The following IL1RAPL1 variants were observed in gnomAD, a reference collection of about 807,000 sequenced individuals.
IL1RAPL1 encodes the protein interleukin-1 receptor accessory protein-like 1.
In IL1RAPL1, 3 loss-of-function variants were observed where a neutral mutation model predicts 48.4. That is an observed-to-expected ratio of 0.06 (90% CI 0.03 to 0.16). The LOEUF is 0.16. IL1RAPL1 is among the 10% of genes least tolerant of loss of function. The pLI is 1.00. For missense variants in IL1RAPL1, 349 were observed against 530.6 expected (o/e 0.66, Z 3.36); for synonymous variants, 185 against 187.7 (o/e 0.99, Z 0.12).
intron 5 of IL1RAPL1, among the ~76,000 whole-genome samples, chrX:29,442,343 A>C (rs2147719839): frequency 9.2e-6 from 1 of 108,709 alleles, no homozygotes; most frequent in East Asian, 3.0e-4. Context: ...GTGCTGGGAT[A>C]ATTGGGGGAA....
rs768432949 is a variant in IL1RAPL1, at chrX:29,109,146, AAAAG to A, written c.83-173791_83-173788del. On this transcript the variant is annotated intron_variant, in intron 2 of 10. Transcript: ENST00000378993. ...AGTTCACAAAAGAACATATTCAAAA[AAAAG>A]CAAATAATTGTATTTTGAGTGTATC... is the stretch of plus-strand genomic sequence containing the variant. 3.6e-5 allele frequency among the ~76,000 whole-genome samples: 4 copies of A among 111,849 alleles called. No homozygotes were observed. The East Asian group carries it at 1.1e-3, about 31-fold the overall frequency.
chrX:29,688,821 T>C (rs2147109819), intron 6 of IL1RAPL1, among the ~76,000 whole-genome samples: 2 of 108,640 alleles, frequency 1.8e-5, no homozygotes, highest in East Asian at 5.7e-4. Context: ...GTGGTCTTTT[T>C]TTTTTTTCAC....
chrX:29,472,067 G>A (rs1410860546), intron 5 of IL1RAPL1, among the ~76,000 whole-genome samples: 1 of 111,082 alleles, frequency 9.0e-6, no homozygotes, highest in Non-Finnish European at 1.9e-5. Flanking sequence ...TTACTCTTCA[G>A]CCTACTCCAG....
intron 2 of IL1RAPL1, among the ~76,000 whole-genome samples, chrX:28,875,328 G>A (rs1268490323): frequency 1.8e-5 from 2 of 111,927 alleles, no homozygotes; most frequent in African/African-American, 6.5e-5. Flanking sequence ...TCCAAAAGTA[G>A]ATATATGTTG....
intron 2 of IL1RAPL1, among the ~76,000 whole-genome samples, chrX:28,862,293 G>C (rs1266099230): frequency 8.9e-6 from 1 of 111,805 alleles, no homozygotes; most frequent in Non-Finnish European, 1.9e-5. Context: ...TTTGTGCTTT[G>C]TTTCTGAAGT....
chrX:29,697,298 C>A (rs1926936939), intron 6 of IL1RAPL1, among the ~76,000 whole-genome samples: 1 of 112,036 alleles, frequency 8.9e-6, no homozygotes. Context: ...AAAATAAACT[C>A]AGTCTGAAAG....
intron 2 of IL1RAPL1, among the ~76,000 whole-genome samples, chrX:28,810,168 A>G (rs930514315): frequency 1.8e-5 from 2 of 110,318 alleles, no homozygotes; most frequent in African/African-American, 6.6e-5. Context: ...CTCAGTGGAC[A>G]GGTTAATAAT....
At chrX:29,656,196 C>T (rs1343612273) in intron 5 of IL1RAPL1, among the ~76,000 whole-genome samples, 1 of 112,801 alleles carries the variant, frequency 8.9e-6, no homozygotes, top group Non-Finnish European at 1.9e-5. Flanking sequence ...TTGCCAATAA[C>T]TTCCATACTA....
intron 5 of IL1RAPL1, among the ~76,000 whole-genome samples, chrX:29,534,651 A>G (rs1921152266): frequency 9.1e-6 from 1 of 110,174 alleles, no homozygotes; most frequent in Admixed American, 9.6e-5. Context: ...CCTGGGCAAC[A>G]TGGCAAAACC....
chrX:28,991,282 A>G (rs982315993), intron 2 of IL1RAPL1, among the ~76,000 whole-genome samples: 2 of 112,024 alleles, frequency 1.8e-5, no homozygotes, highest in South Asian at 3.7e-4. Flanking sequence ...CACTTAAAAC[A>G]TATGATTGGC....
At chrX:29,117,180 G>C (rs1387789225) in intron 2 of IL1RAPL1, among the ~76,000 whole-genome samples, 2 of 111,754 alleles carry the variant, frequency 1.8e-5, no homozygotes, top group African/African-American at 3.2e-5. Flanking sequence ...AATGAATCCT[G>C]TGCCAGTGAA....
chrX:28,919,611 T>G (rs553030252), intron 2 of IL1RAPL1, among the ~76,000 whole-genome samples: 246 of 112,156 alleles, frequency 2.2e-3, no homozygotes, highest in Middle Eastern at 4.6e-3. Context: ...ACTTCAGTTT[T>G]TCATCTGGAA....
intron 9 of IL1RAPL1, among the ~76,000 whole-genome samples, chrX:29,947,259 CCCTT>C (rs1417323408): frequency 3.8e-4 from 42 of 111,731 alleles, no homozygotes; most frequent in African/African-American, 1.3e-3. Flanking sequence ...AATGGAGTGT[CCCTT>C]CAAGTTTTGT....
intron 2 of IL1RAPL1, among the ~76,000 whole-genome samples, chrX:29,199,573 T>TA (rs1930513779): frequency 9.0e-6 from 1 of 111,150 alleles, no homozygotes; most frequent in Non-Finnish European, 1.9e-5. Context: ...CATCAGGCAT[T>TA]ACTAAGATTC....
chrX:29,312,882 T>G (rs1932747283), intron 3 of IL1RAPL1, among the ~76,000 whole-genome samples: 1 of 111,184 alleles, frequency 9.0e-6, no homozygotes, highest in Admixed American at 9.6e-5. Context: ...ATAAGGGGTT[T>G]CGGCTTTCGC....
At chrX:29,031,966 T>TA (rs1184919056) in intron 2 of IL1RAPL1, among the ~76,000 whole-genome samples, 1 of 112,042 alleles carries the variant, frequency 8.9e-6, no homozygotes, top group African/African-American at 3.2e-5. Context: ...GGTTGACATA[T>TA]AACTTATGGA....
chrX:29,649,880 A>T (rs748902350), intron 5 of IL1RAPL1, among the ~76,000 whole-genome samples: 3 of 111,775 alleles, frequency 2.7e-5, no homozygotes, highest in African/African-American at 9.7e-5. Context: ...CCACCAAAAA[A>T]CTTTAGAACT....
At chrX:29,622,668 A>G (rs772687992) in intron 5 of IL1RAPL1, among the ~76,000 whole-genome samples, 2 of 111,641 alleles carry the variant, frequency 1.8e-5, no homozygotes, top group South Asian at 7.6e-4. Context: ...AGATAACCCA[A>G]GACCACTACT....
intron 2 of IL1RAPL1, among the ~76,000 whole-genome samples, chrX:28,803,889 G>A (rs1246288249): frequency 3.6e-5 from 4 of 112,336 alleles, no homozygotes. Context: ...ATATTTGTTT[G>A]TAGAAACTTG....
Sources: allele counts gnomAD v4.1 joint callset (sites outside exome capture counted in the v4.1 genomes callset), GRCh38; gene constraint gnomAD v4.1.1; transcripts MANE v1.5; gene names NCBI Gene and HGNC (gene_info 2026-07-23, HGNC 2026-07-21).